The following SHB variants were observed in gnomAD, a reference collection of about 807,000 sequenced individuals.
SHB encodes SH2 domain-containing adapter protein B.
SHB carries 20 observed loss-of-function variants against 52.3 expected under a neutral mutation model. The observed-to-expected ratio is 0.38, with a 90% CI of 0.27 to 0.56. The LOEUF is 0.56. Among genes scored for constraint, SHB ranks in the 20% least tolerant of loss-of-function variants. SHB has a pLI of 0.71. For synonymous variants in SHB, 397 were observed against 316.5 expected, an observed-to-expected ratio of 1.25 and a Z score of -2.70; for missense variants, 825 against 723.3, an observed-to-expected ratio of 1.14 and a Z score of -1.61.
intron 1 of SHB, among the ~76,000 whole-genome samples, chr9:38,021,558 C>T (rs1482739169): frequency 1.3e-5 from 2 of 152,042 alleles, no homozygotes; most frequent in Non-Finnish European, 2.9e-5. Context: ...GTCCCAGCTA[C>T]TTGGGAAGCT....
Position 38,016,075 on chromosome 9 carries a change from G to C in SHB, c.774C>G (p.Ser258Arg). Residue 258 changes from serine (S) to arginine (R), a missense_variant, in exon 2 of 6, where the codon AGC becomes AGG. Ser to Arg is a moderately radical substitution (Grantham distance 110, BLOSUM62 -1). Coordinates refer to ENST00000377707, the MANE Select transcript of SHB (RefSeq NM_003028.3). ...CAGCACTCTCCCCCTTTCCTGCTTTGCTCTTGAGATCATTCTTGGCATCAA... is the reference window on the plus strand; with the variant it reads ...CAGCACTCTCCCCCTTTCCTGCTTTCCTCTTGAGATCATTCTTGGCATCAA... Reference protein sequence around the residue: ...DPFDAKNDLKSKAGKGESAGY... With the variant: ...DPFDAKNDLKRKAGKGESAGY... 1.2e-6 allele frequency: 2 copies of C among 1,614,054 alleles called. No homozygotes were observed. Among genetic ancestry groups the C allele is most frequent in the South Asian group, 1.1e-5 (1 of 91,086 alleles).
intron 2 of SHB, among the ~76,000 whole-genome samples, chr9:37,996,792 C>G (rs1334865431): frequency 2.0e-5 from 3 of 152,194 alleles, no homozygotes; most frequent in Non-Finnish European, 4.4e-5. Flanking sequence ...CTTTGGTACC[C>G]CAATGTAGCA....
chr9:38,050,284 A>C (rs1018959770), intron 1 of SHB, among the ~76,000 whole-genome samples: 2 of 152,246 alleles, frequency 1.3e-5, no homozygotes, highest in South Asian at 4.1e-4. Flanking sequence ...GTTCCCTTTT[A>C]CCACTAAAGA....
intron 1 of SHB, among the ~76,000 whole-genome samples, chr9:38,022,269 G>A (rs903042666): frequency 9.2e-5 from 14 of 152,186 alleles, no homozygotes; most frequent in African/African-American, 3.4e-4. Flanking sequence ...TAGGGCCACA[G>A]TAATGAACAG....
At chr9:37,929,289 G>A (rs1394892405) in intron 5 of SHB, among the ~76,000 whole-genome samples, 1 of 152,244 alleles carries the variant, frequency 6.6e-6, no homozygotes, top group Non-Finnish European at 1.5e-5. Context: ...CTGGTCACCT[G>A]GGTACAAATC....
chr9:38,043,824 G>A (rs1356490413), intron 1 of SHB, among the ~76,000 whole-genome samples: 3 of 152,132 alleles, frequency 2.0e-5, no homozygotes, highest in Non-Finnish European at 4.4e-5. Flanking sequence ...GGGAGGTGGA[G>A]GTTGAGGTGA....
intron 5 of SHB, among the ~76,000 whole-genome samples, chr9:37,939,044 TACCTCCACAC>T (rs1324130985): frequency 6.6e-6 from 1 of 152,214 alleles, no homozygotes; most frequent in African/African-American, 2.4e-5. Flanking sequence ...TCATCAATTC[TACCTCCACAC>T]ACCTCTCCTT....
chr9:37,954,587 C>A (rs1349266120), intron 4 of SHB, among the ~76,000 whole-genome samples: 3 of 152,218 alleles, frequency 2.0e-5, no homozygotes, highest in African/African-American at 4.8e-5. Context: ...ATGTTCTCAT[C>A]TAGGCAATGG....
chr9:38,016,254 G>C, intron 1 of SHB, 123 bp from the exon 2 acceptor site: 1 of 962,596 alleles, frequency 1.0e-6, no homozygotes, highest in Non-Finnish European at 1.5e-6. Flanking sequence ...AGGAACTAAA[G>C]CCGGCGCCCG....
intron 2 of SHB, among the ~76,000 whole-genome samples, chr9:37,986,764 C>G (rs1291139344): frequency 6.6e-6 from 1 of 152,214 alleles, no homozygotes; most frequent in Non-Finnish European, 1.5e-5. Flanking sequence ...CTCAGGCCAA[C>G]CATGACAGGG....
chr9:37,995,503 G>T (rs1217829122), intron 2 of SHB, among the ~76,000 whole-genome samples: 1 of 152,204 alleles, frequency 6.6e-6, no homozygotes, highest in African/African-American at 2.4e-5. Flanking sequence ...TCCTCCACAG[G>T]CCAGCCTGGG....
In SHB at chr9:37,918,349, AAGAG is replaced by A. The variant is rs1328454872; in HGVS notation, c.*1468_*1471del. Among the ~76,000 whole-genome samples, 2 of 151,470 alleles carry A rather than the reference AAGAG, an allele frequency of 1.3e-5. No individual in the cohort carries two copies. The highest frequency in any genetic ancestry group is 4.9e-5 in the African/African-American group (2 of 41,050). On this transcript the variant is annotated 3_prime_UTR_variant, in exon 6 of 6. Transcript: ENST00000377707. ...GTGGGAGGACCCTGCTATGGCAAGC[AAGAG>A]AGAGGTCGCGTGTGCGTGTGCGTGT...
At chr9:37,941,833 G>A (rs1268459402) in intron 5 of SHB, among the ~76,000 whole-genome samples, 1 of 151,942 alleles carries the variant, frequency 6.6e-6, no homozygotes, top group African/African-American at 2.4e-5. Context: ...CTAGGTGTCT[G>A]GAGTCTCAGA....
intron 5 of SHB, among the ~76,000 whole-genome samples, chr9:37,935,797 G>A (rs1431248315): frequency 6.6e-6 from 1 of 151,982 alleles, no homozygotes; most frequent in Non-Finnish European, 1.5e-5. Context: ...TCTCTACTGA[G>A]CCAATTAAAG....
At position 37,948,696 on chromosome 9, in the gene SHB, C is replaced by T. The variant is rs1284715731; in HGVS notation, c.1285G>A (p.Glu429Lys). ...CTGTTCCGGACAAGGTAGCTACACT[C>T]CTTGCAGAGTCGCAGCAGGTTCTCG... ...DAENLLRLCK[E>K]CSYLVRNSQT... The change falls in exon 5 of 6, where the codon GAG (glutamate) becomes AAG (lysine). Residue 429 changes from glutamate (E) to lysine (K), a missense_variant. Transcript: ENST00000377707. 1.2e-6 allele frequency: 2 copies of T among 1,614,004 alleles called. No homozygotes were observed. Among genetic ancestry groups the T allele is most frequent in the Admixed American group, 1.7e-5 (1 of 60,028 alleles).
chr9:38,031,318 T>G (rs1034780044), intron 1 of SHB, among the ~76,000 whole-genome samples: 3 of 151,978 alleles, frequency 2.0e-5, no homozygotes, highest in African/African-American at 7.2e-5. Context: ...AGAGACTATG[T>G]CTCAAAAAAC....
intron 1 of SHB, among the ~76,000 whole-genome samples, chr9:38,045,864 G>T (rs1368840976): frequency 1.3e-5 from 2 of 152,182 alleles, no homozygotes; most frequent in Non-Finnish European, 2.9e-5. Flanking sequence ...AGGGAGTGGG[G>T]TCAAAACAAT....
rs1030035302 is a variant in SHB, at chr9:37,918,086, C to T, written c.*1735G>A. On this transcript the variant is annotated 3_prime_UTR_variant, in exon 6 of 6. Transcript: ENST00000377707. ...AAACAGTCTCTAAAGACATGAGCAGCGCTGATGTCTGAACCTGCTGATGAC... is the reference window on the plus strand; with the variant it reads ...AAACAGTCTCTAAAGACATGAGCAGTGCTGATGTCTGAACCTGCTGATGAC... Among the ~76,000 whole-genome samples, 19 of 152,354 alleles carry T rather than the reference C, an allele frequency of 1.2e-4. No homozygotes were observed. The highest frequency in any genetic ancestry group is 4.1e-4 in the African/African-American group (17 of 41,580).
chr9:37,994,373 A>T (rs983453122), intron 2 of SHB, among the ~76,000 whole-genome samples: 13 of 152,258 alleles, frequency 8.5e-5, no homozygotes, highest in African/African-American at 3.1e-4. Context: ...CAACTTGATC[A>T]GGTTAGAATA....
Sources: allele counts gnomAD v4.1 joint callset (sites outside exome capture counted in the v4.1 genomes callset), GRCh38; gene constraint gnomAD v4.1.1; transcripts MANE v1.5; gene names NCBI Gene and HGNC (gene_info 2026-07-23, HGNC 2026-07-21).